The following NCR3LG1 variants were observed in gnomAD, a reference collection of about 807,000 sequenced individuals.
NCR3LG1 encodes natural killer cell cytotoxicity receptor 3 ligand 1, also known as natural cytotoxicity triggering receptor 3 ligand 1.
A neutral mutation model predicts 34.8 loss-of-function variants in NCR3LG1; 35 were observed. The ratio of observed to expected loss-of-function variants is 1.01; its 90% CI spans 0.77 to 1.33. The LOEUF is 1.33. Among genes scored for constraint, NCR3LG1 ranks in the 40% most tolerant of loss-of-function variants. The pLI is 0.00. For missense variants in NCR3LG1, 452 were observed against 423.3 expected (o/e 1.07, Z -0.60); for synonymous variants, 173 against 163.6 (o/e 1.06, Z -0.44).
At chr11:17,371,694 CAAT>C (rs1321114704) in intron 4 of NCR3LG1, among the ~76,000 whole-genome samples, 1 of 152,178 alleles carries the variant, frequency 6.6e-6, no homozygotes, top group African/African-American at 2.4e-5. Flanking sequence ...GGTCTTGCCC[CAAT>C]CCAACTACTG....
chr11:17,369,666 A>T (rs1953385992), intron 4 of NCR3LG1, among the ~76,000 whole-genome samples: 1 of 152,248 alleles, frequency 6.6e-6, no homozygotes. Context: ...ATAATCAGTC[A>T]ATTAAGAAAA....
In NCR3LG1 at chr11:17,352,035, C is replaced by T. The variant is rs577303929; in HGVS notation, c.66C>T (p.Thr22=). The change falls in exon 1 of 5, where the codon ACC becomes ACT. Residue 22 remains threonine, a synonymous_variant. Coordinates refer to ENST00000338965, the MANE Select transcript of NCR3LG1 (RefSeq NM_001202439.3). ...ALLILLWALT[T]EGDLKVEMMA... Reference sequence around the variant, plus strand: ...TGATTCTGCTGTGGGCGCTGACGACCGAAGGTAGGGGGCGGCTGGGGTGGG... The same window carrying T: ...TGATTCTGCTGTGGGCGCTGACGACTGAAGGTAGGGGGCGGCTGGGGTGGG... 2.2e-4 allele frequency: 241 copies of T among 1,112,950 alleles called. 2 individuals are homozygous for T. The African/African-American group carries it at 3.9e-3, about 18-fold the overall frequency. The allele number at this position is 1,112,950 out of a possible 1,614,324, so 68.9% of individuals were successfully genotyped here.
intron 3 of NCR3LG1, 128 bp from the exon 4 acceptor site, chr11:17,368,739 C>T (rs758443171): frequency 1.1e-4 from 76 of 685,020 alleles, no homozygotes; most frequent in Non-Finnish European, 1.9e-4. Flanking sequence ...AGACATGTGG[C>T]AGAGGGCTGG....
intron 1 of NCR3LG1, among the ~76,000 whole-genome samples, chr11:17,352,399 C>T (rs1276237374): frequency 6.6e-6 from 1 of 152,078 alleles, no homozygotes; most frequent in Non-Finnish European, 1.5e-5. Flanking sequence ...CCAAGATGGT[C>T]TCCTTGACCT....
intron 2 of NCR3LG1, among the ~76,000 whole-genome samples, chr11:17,363,601 C>T (rs1953311988): frequency 7.8e-6 from 1 of 128,056 alleles, no homozygotes; most frequent in South Asian, 2.7e-4. Context: ...TTCTTTCTTT[C>T]TTCTTTTGAG....
downstream of NCR3LG1, among the ~76,000 whole-genome samples, chr11:17,380,182 C>T (rs1953506305): frequency 6.6e-6 from 1 of 152,122 alleles, no homozygotes; most frequent in African/African-American, 2.4e-5. Flanking sequence ...TTTGTTATCA[C>T]ATTGATGAAA....
intron 4 of NCR3LG1, among the ~76,000 whole-genome samples, chr11:17,371,175 A>G (rs1360276806): frequency 1.3e-5 from 2 of 152,120 alleles, no homozygotes; most frequent in Admixed American, 1.3e-4. Context: ...TTTCTACTGG[A>G]CAGCATATTA....
Position 17,368,913 on chromosome 11 carries a change from A to G in NCR3LG1, c.807A>G (p.Ser269=). The change falls in exon 4 of 5, where the codon TCA becomes TCG. Residue 269 remains serine, a synonymous_variant. Transcript: ENST00000338965. ...TTTCCATTCATTGGTGGCCTATTTC[A>G]TTCATTGGTGTTGGACTGGTTTTAT... The part of the protein sequence containing the change: ...DNFSIHWWPI[S]FIGVGLVLLI... The G allele has an allele frequency of 6.5e-7, 1 of 1,535,298 alleles. No individual in the cohort carries two copies. The highest frequency in any genetic ancestry group is 8.7e-7 in the Non-Finnish European group (1 of 1,146,212).
intron 3 of NCR3LG1, 39 bp from the exon 4 acceptor site, chr11:17,368,828 A>G: frequency 2.9e-6 from 4 of 1,363,818 alleles, no homozygotes; most frequent in Non-Finnish European, 3.0e-6. Context: ...GGCCCTTGCC[A>G]GTAGGTTTCC....
chr11:17,367,356 CT>C lies in NCR3LG1; in HGVS notation c.760+12del. On this transcript the variant is annotated intron_variant, in intron 3 of 4. Coordinates refer to ENST00000338965, the MANE Select transcript of NCR3LG1 (RefSeq NM_001202439.3). ...TCGGCACAGTCTTTCTGGTAAGGGT[CT>C]TTCTGGACATTTCTTCTCTTCCTTG... The C allele has an allele frequency of 1.3e-6, 2 of 1,522,428 alleles. No homozygotes were observed. Among genetic ancestry groups the C allele is most frequent in the Non-Finnish European group, 1.8e-6 (2 of 1,137,882 alleles). 94.3% of individuals were successfully genotyped at this position (1,522,428 alleles called of 1,614,324 possible).
downstream of NCR3LG1, chr11:17,380,631 G>A (rs2355016): frequency 0.21 from 32,602 of 151,834 alleles, 3,889 homozygotes; most frequent in African/African-American, 0.29. Context: ...GACTACAGGC[G>A]CATGTCACCA....
intron 2 of NCR3LG1, among the ~76,000 whole-genome samples, chr11:17,357,265 C>G (rs531142102): frequency 4.6e-5 from 7 of 152,172 alleles, no homozygotes; most frequent in Non-Finnish European, 7.3e-5. Flanking sequence ...TTGGTTTCTT[C>G]TGAGGCCTCT....
At chr11:17,379,533 C>T (rs969548097), downstream of NCR3LG1, among the ~76,000 whole-genome samples, 7 of 152,094 alleles carry the variant, frequency 4.6e-5, no homozygotes, top group South Asian at 2.1e-4. Flanking sequence ...TTTGCTTCCT[C>T]GTGTGCTTCT....
rs553180249 is a variant in NCR3LG1 at position 17,352,005 on chromosome 11, G to C, written c.36G>C (p.Ala12=). The C allele has an allele frequency of 1.3e-6, 2 of 1,487,160 alleles. No individual in the cohort carries two copies. Among genetic ancestry groups the C allele is most frequent in the Admixed American group, 2.1e-5 (1 of 48,570 alleles). The allele number at this position is 1,487,160 out of a possible 1,614,324, so 92.1% of individuals were successfully genotyped here. A position where few individuals can be genotyped will look rare whatever the true frequency, so the allele number is the denominator to read the frequency against. The part of the protein sequence containing the change: ...TWRAAASTCA[A]LLILLWALTT... The stretch of plus-strand genomic sequence containing the variant: ...GGGCTGCCGCCTCCACGTGCGCGGC[G>C]CTCCTGATTCTGCTGTGGGCGCTGA... The change falls in exon 1 of 5, where the codon GCG becomes GCC. Residue 12 remains alanine (A), a synonymous_variant. Coordinates refer to ENST00000338965, the MANE Select transcript of NCR3LG1 (RefSeq NM_001202439.3).
chr11:17,364,931 T>G (rs1165020775), intron 2 of NCR3LG1, among the ~76,000 whole-genome samples: 1 of 152,232 alleles, frequency 6.6e-6, no homozygotes, highest in African/African-American at 2.4e-5. Flanking sequence ...GCATTCACTT[T>G]TGGTTCGTTC....
intron 2 of NCR3LG1, among the ~76,000 whole-genome samples, chr11:17,360,722 G>T (rs551477067): frequency 5.1e-4 from 78 of 151,878 alleles, no homozygotes; most frequent in South Asian, 1.7e-3. Context: ...TATTTGTGTG[G>T]GTCCATTTCT....
chr11:17,354,982 G>T (rs1254398950), intron 1 of NCR3LG1, among the ~76,000 whole-genome samples: 1 of 152,160 alleles, frequency 6.6e-6, no homozygotes, highest in Admixed American at 6.5e-5. Context: ...TGTTAGTAAT[G>T]AGTCTGACTT....
chr11:17,378,468 A>G (rs944498454), downstream of NCR3LG1, among the ~76,000 whole-genome samples: 1 of 152,106 alleles, frequency 6.6e-6, no homozygotes, highest in Non-Finnish European at 1.5e-5. Flanking sequence ...CTGTAACTCA[A>G]ATTGTTTCCT....
At chr11:17,362,699 T>C (rs535281991) in intron 2 of NCR3LG1, among the ~76,000 whole-genome samples, 107 of 5,280 alleles carry the variant, frequency 0.02, 8 homozygotes, top group South Asian at 0.14. Context: ...TTCCTTTCTT[T>C]CTTTCTTTCT....
Sources: gnomAD v4.1 joint callset for allele counts (sites outside exome capture counted in the v4.1 genomes callset) on GRCh38, gnomAD v4.1.1 for gene constraint, MANE v1.5 for transcripts, NCBI Gene and HGNC (gene_info 2026-07-23, HGNC 2026-07-21) for gene names.